The following WDR4 variants were observed in gnomAD, a reference collection of about 807,000 sequenced individuals.
The protein encoded by WDR4 is tRNA (guanine-N(7)-)-methyltransferase non-catalytic subunit WDR4.
Under a neutral mutation model 48.6 loss-of-function variants are expected in WDR4, and 47 were observed. The ratio of observed to expected loss-of-function variants is 0.97; its 90% CI spans 0.77 to 1.23. WDR4 has a LOEUF of 1.23. Ranked by LOEUF, WDR4 falls within the 50% of genes most tolerant of loss-of-function variation. WDR4 has a pLI of 0.00. For missense variants in WDR4, 606 were observed against 551.6 expected (o/e 1.10, Z -0.99); for synonymous variants, 268 against 230.0 (o/e 1.17, Z -1.49).
intron 3 of WDR4, among the ~76,000 whole-genome samples, chr21:42,864,465 G>A (rs1339496341): frequency 6.6e-6 from 1 of 152,170 alleles, no homozygotes; most frequent in Non-Finnish European, 1.5e-5. Flanking sequence ...CCCTGCAGAG[G>A]GATGGAGGGG....
the WDR4 span, among the ~76,000 whole-genome samples, chr21:42,890,264 G>A: frequency 0.026 from 3,981 of 152,058 alleles, 84 homozygotes; most frequent in South Asian, 0.11. Context: ...GGCCAGGCAC[G>A]GTGGCTCACG....
At chr21:42,874,599 CCT>C (rs1353615078) in intron 2 of WDR4, among the ~76,000 whole-genome samples, 4 of 152,200 alleles carry the variant, frequency 2.6e-5, no homozygotes, top group East Asian at 1.9e-4. Flanking sequence ...AGAATGCGCC[CCT>C]GAGGGTGGGC....
Position 42,879,525 on chromosome 21 carries a change from G to A in WDR4, c.-30C>T. 3 of 1,611,226 alleles carry A rather than the reference G, an allele frequency of 1.9e-6. No individual in the cohort carries two copies. Among genetic ancestry groups the A allele is most frequent in the Non-Finnish European group, 1.7e-6 (2 of 1,179,156 alleles). The stretch of plus-strand genomic sequence containing the variant: ...CCGCCCGCCTCACCGCCATACACAT[G>A]TGCCAGCCCAGAGCCTCTTCCTGTC... On this transcript the variant is annotated 5_prime_UTR_variant, in exon 1 of 11. Transcript: ENST00000398208.
At chr21:42,879,174 G>C (rs2058571073) in intron 1 of WDR4, 2 of 1,335,164 alleles carry the variant, frequency 1.5e-6, no homozygotes, top group South Asian at 3.8e-5. Context: ...CTAGTGCAAG[G>C]AGCGCGCCGG....
chr21:42,885,607 C>CA, the WDR4 span, among the ~76,000 whole-genome samples: 81,831 of 150,342 alleles, frequency 0.54, 23,092 homozygotes, highest in African/African-American at 0.7. Context: ...AAAACTCCAT[C>CA]AAAAAAAAAT....
At chr21:42,863,393 G>C (rs367692320) in intron 4 of WDR4, 47 bp downstream of exon 4, 1 of 1,573,362 alleles carries the variant, frequency 6.4e-7, no homozygotes, top group Non-Finnish European at 8.7e-7. Flanking sequence ...CCCATGTACC[G>C]TGTCCCACAC....
the WDR4 span, among the ~76,000 whole-genome samples, chr21:42,887,599 G>A: frequency 6.6e-6 from 1 of 152,182 alleles, no homozygotes; most frequent in Non-Finnish European, 1.5e-5. Context: ...AGTGAGGTAT[G>A]TGCTAACATT....
chr21:42,867,392 CCAAAAAA>C (rs1025655298), intron 3 of WDR4, among the ~76,000 whole-genome samples: 7 of 64,946 alleles, frequency 1.1e-4, no homozygotes, highest in Admixed American at 2.4e-4. Context: ...CTCCGCTCCA[CCAAAAAA>C]AAAAAAAAAA....
At chr21:42,883,672 A>G (rs2058622093), upstream of WDR4, 1 of 153,778 alleles carries the variant, frequency 6.5e-6, no homozygotes, top group South Asian at 2.1e-4. Context: ...ATGTGGCCAT[A>G]ATTCAAGGAT....
chr21:42,889,136 C>T, the WDR4 span, among the ~76,000 whole-genome samples: 128 of 151,584 alleles, frequency 8.4e-4, no homozygotes, highest in African/African-American at 2.9e-3. Context: ...GTATATGCCA[C>T]CATGCCCAGC....
intron 9 of WDR4, among the ~76,000 whole-genome samples, chr21:42,852,898 C>T (rs1312811335): frequency 1.4e-5 from 2 of 143,486 alleles, no homozygotes; most frequent in African/African-American, 2.8e-5. Flanking sequence ...CTGGGCAACA[C>T]GAGCAAAACT....
chr21:42,887,495 G>A, the WDR4 span, among the ~76,000 whole-genome samples: 22 of 152,134 alleles, frequency 1.4e-4, 1 homozygote, highest in South Asian at 2.1e-3. Context: ...TGCTCACGAG[G>A]AAATGTCTCG....
intron 6 of WDR4, among the ~76,000 whole-genome samples, chr21:42,857,710 C>G (rs1467620878): frequency 6.6e-6 from 1 of 152,100 alleles, no homozygotes; most frequent in Non-Finnish European, 1.5e-5. Context: ...CAAGTCTCCA[C>G]AGAAGGCTGG....
chr21:42,892,854 G>A, the WDR4 span, among the ~76,000 whole-genome samples: 2 of 152,216 alleles, frequency 1.3e-5, no homozygotes, highest in Non-Finnish European at 2.9e-5. Context: ...TGGGCGCCGA[G>A]GTCCCGAGCT....
chr21:42,876,643 C>T, intron 2 of WDR4, 59 bp downstream of exon 2: 12 of 1,523,226 alleles, frequency 7.9e-6, no homozygotes, highest in Non-Finnish European at 9.9e-6. Flanking sequence ...TTCTTAGACC[C>T]TCTGGTCCCA....
Position 42,862,497 on chromosome 21 carries a change from A to C in WDR4, c.454-103T>G. 1 of 1,058,402 alleles carries C rather than the reference A, an allele frequency of 9.4e-7. No homozygotes were observed. The highest frequency in any genetic ancestry group is 2.6e-5 in the East Asian group (1 of 38,650). The allele number at this position is 1,058,402 out of a possible 1,614,324, so 65.6% of individuals were successfully genotyped here. A position where few individuals can be genotyped will look rare whatever the true frequency, so the allele number is the denominator to read the frequency against. ...GGGAAGCTGCAGCCTGGCCGCCAAG[A>C]GGATGAGGCCTTCGAGGACAGACCA... On this transcript the variant is annotated intron_variant, in intron 4 of 10. Transcript: ENST00000398208. The surrounding 1 kb of genome is among the most constrained non-coding windows in gnomAD (Gnocchi z 4.3).
Position 42,873,705 on chromosome 21 carries a change from G to A in WDR4, c.156-14C>T, listed in dbSNP as rs370664474. 10 of 1,611,050 alleles carry A rather than the reference G, an allele frequency of 6.2e-6. No individual in the cohort carries two copies. Among genetic ancestry groups the A allele is most frequent in the Non-Finnish European group, 8.5e-6 (10 of 1,178,348 alleles). On this transcript the variant is annotated splice_polypyrimidine_tract_variant and intron_variant, in intron 2 of 10. Transcript: ENST00000398208. Reference sequence around the variant, plus strand: ...GGCGCGTCCTCCCTGAGGAAGAGAGGAGGAAGACGGTTAAGCTTCACCTAA... The same window carrying A: ...GGCGCGTCCTCCCTGAGGAAGAGAGAAGGAAGACGGTTAAGCTTCACCTAA...
In WDR4 at chr21:42,855,478, T is replaced by A. The variant is rs748854881; in HGVS notation, c.726+204A>T. ...AGAGGCCTTCCTGTACATTAACTGT[T>A]TGCATGCAACAGGGAGACAAATTAT... is the stretch of plus-strand genomic sequence containing the variant. On this transcript the variant is annotated intron_variant, in intron 7 of 10. Coordinates refer to ENST00000398208, the MANE Select transcript of WDR4 (RefSeq NM_018669.6). Among the ~76,000 whole-genome samples, 6 of 152,230 alleles carry A rather than the reference T, an allele frequency of 3.9e-5. 1 individual carries two copies. Among genetic ancestry groups the A allele is most frequent in the Non-Finnish European group, 7.3e-5 (5 of 68,042 alleles).
At chr21:42,879,587 G>T, upstream of WDR4, 1 of 1,502,494 alleles carries the variant, frequency 6.7e-7, no homozygotes, top group Non-Finnish European at 9.1e-7. Flanking sequence ...GACGCCGAGA[G>T]ATGACGTATA....
Sources: allele counts gnomAD v4.1 joint callset (sites outside exome capture counted in the v4.1 genomes callset), GRCh38; gene constraint gnomAD v4.1.1; non-coding constraint Gnocchi (gnomAD v3.1); transcripts MANE v1.5; gene names NCBI Gene and HGNC (gene_info 2026-07-23, HGNC 2026-07-21).